CD38: variants seen among roughly 807,000 people sequenced by gnomAD.
CD38 encodes ADP-ribosyl cyclase/cyclic ADP-ribose hydrolase 1.
A neutral mutation model predicts 36.3 loss-of-function variants in CD38; 31 were observed. That is an observed-to-expected ratio of 0.85 (90% CI 0.64 to 1.15). The LOEUF (loss-of-function observed/expected upper bound fraction) is 1.15. Ranked by LOEUF, CD38 falls within the 50% of genes most tolerant of loss-of-function variation. The probability of loss-of-function intolerance (pLI) is 0.00; values close to 1 mark genes in which losing one functional copy is unlikely to be tolerated. For synonymous variants in CD38, 131 were observed against 135.2 expected (o/e 0.97, Z 0.22); for missense variants, 380 against 371.9 (o/e 1.02, Z -0.18).
At chr4:15,807,977 A>G (rs1004228132) in intron 1 of CD38, among the ~76,000 whole-genome samples, 2 of 152,082 alleles carry the variant, frequency 1.3e-5, no homozygotes, top group Non-Finnish European at 2.9e-5. Flanking sequence ...TAGTGACTTT[A>G]TTCATTCTTC....
At chr4:15,831,045 T>G (rs1723949189) in intron 3 of CD38, among the ~76,000 whole-genome samples, 1 of 152,160 alleles carries the variant, frequency 6.6e-6, no homozygotes, top group African/African-American at 2.4e-5. Context: ...GTTTTTGAGT[T>G]TGAAGTTACC....
In CD38 at chr4:15,848,538, G is replaced by GACCTGACAAGT; in HGVS notation, c.840_850dup (p.Phe284TyrfsTer9). The GACCTGACAAGT allele has an allele frequency of 1.9e-6, 3 of 1,610,808 alleles. No homozygotes were observed. Among genetic ancestry groups the GACCTGACAAGT allele is most frequent in the South Asian group, 2.2e-5 (2 of 90,964 alleles). ...TTTCCTTTTTTGCTTTCTTGTCATA[G>GACCTGACAAGT]ACCTGACAAGTTTCTTCAGTGTGTG... is the stretch of plus-strand genomic sequence containing the variant. On this transcript the variant is annotated frameshift_variant and splice_region_variant. Transcript: ENST00000226279. LOFTEE classifies it high-confidence loss of function.
At chr4:15,790,366 C>T (rs575736412) in intron 1 of CD38, among the ~76,000 whole-genome samples, 105 of 151,692 alleles carry the variant, frequency 6.9e-4, no homozygotes, top group Non-Finnish European at 1.2e-3. Context: ...TTGGTGGAGA[C>T]GGGGTTTTGC....
In CD38 at chr4:15,848,626, C is replaced by T; in HGVS notation, c.*24C>T. 2 of 1,584,534 alleles carry T rather than the reference C, an allele frequency of 1.3e-6. No individual in the cohort carries two copies. Among genetic ancestry groups the T allele is most frequent in the Non-Finnish European group, 1.7e-6 (2 of 1,153,342 alleles). On this transcript the variant is annotated 3_prime_UTR_variant, in exon 8 of 8. Coordinates refer to ENST00000226279, the MANE Select transcript of CD38 (RefSeq NM_001775.4). ...GAGCCAGTCGCTGTGGTTGTTTTAG[C>T]TCCTTGACTCCTTGTGGTTTATGTC...
chr4:15,783,683 T>C (rs761952481), intron 1 of CD38, among the ~76,000 whole-genome samples: 13 of 152,354 alleles, frequency 8.5e-5, no homozygotes, highest in Non-Finnish European at 1.0e-4. Flanking sequence ...AAATCTTTCA[T>C]CTGTCTTACC....
intron 1 of CD38, among the ~76,000 whole-genome samples, chr4:15,781,726 C>T (rs963029643): frequency 9.9e-5 from 15 of 152,182 alleles, no homozygotes; most frequent in Admixed American, 2.6e-4. Context: ...ATGTGTTTGA[C>T]CAAATATCTG....
chr4:15,808,962 C>T (rs1444171260), intron 1 of CD38, among the ~76,000 whole-genome samples: 1 of 152,094 alleles, frequency 6.6e-6, no homozygotes, highest in Non-Finnish European at 1.5e-5. Flanking sequence ...GGTATGTGGT[C>T]TGGACTTGGA....
At chr4:15,802,491 GTTTTATTTTATTTTATTTTATTTTA>G (rs56373639) in intron 1 of CD38, among the ~76,000 whole-genome samples, 4,211 of 134,156 alleles carry the variant, frequency 0.031, 174 homozygotes, top group African/African-American at 0.094. Flanking sequence ...GCAATTGTTT[GTTTTATTTTATTTTATTTTATTTTA>G]TTTTATTTTA....
intron 6 of CD38, 108 bp downstream of exon 6, chr4:15,840,226 A>G: frequency 1.2e-6 from 1 of 843,504 alleles, no homozygotes; most frequent in Non-Finnish European, 2.0e-6. Context: ...AAATGAAACT[A>G]CATGAATGTG....
intron 4 of CD38, among the ~76,000 whole-genome samples, chr4:15,834,906 A>G (rs1263294182): frequency 6.6e-6 from 1 of 152,270 alleles, no homozygotes; most frequent in East Asian, 1.9e-4. Context: ...TTTTTTTAAA[A>G]AAATTGATAC....
chr4:15,819,863 G>A (rs1422451655), intron 2 of CD38, among the ~76,000 whole-genome samples: 1 of 152,006 alleles, frequency 6.6e-6, no homozygotes, highest in Non-Finnish European at 1.5e-5. Context: ...TAGCAAGATG[G>A]GCCAACATTC....
chr4:15,792,468 G>A (rs7685860), intron 1 of CD38, among the ~76,000 whole-genome samples: 62,047 of 141,044 alleles, frequency 0.44, 16,815 homozygotes, highest in African/African-American at 0.78. Flanking sequence ...GAAAAAAAAA[G>A]AAAAGAAAAG....
At chr4:15,786,240 T>C (rs946538830) in intron 1 of CD38, among the ~76,000 whole-genome samples, 2 of 152,234 alleles carry the variant, frequency 1.3e-5, no homozygotes, top group Admixed American at 1.3e-4. Flanking sequence ...CCCAGCCTGC[T>C]TTTATTCCCT....
chr4:15,824,906 A>T lies in CD38; in HGVS notation c.389A>T (p.Asp130Val). The change falls in exon 3 of 8, where the codon GAT becomes GTT. Residue 130 changes from aspartate (D) to valine (V), a missense_variant. Asp to Val is a radical substitution (Grantham distance 152). Coordinates refer to ENST00000226279, the MANE Select transcript of CD38 (RefSeq NM_001775.4). ...ATTCTTCTTTGGAGCAGAATAAAAG[A>T]TCTGGCCCATCAGTTCACACAGGTC... is the stretch of plus-strand genomic sequence containing the variant. The part of the protein sequence containing the change: ...NKILLWSRIK[D>V]LAHQFTQVQR... 6.2e-7 allele frequency: 1 copy of T among 1,613,708 alleles called. No individual in the cohort carries two copies. Among genetic ancestry groups the T allele is most frequent in the South Asian group, 1.1e-5 (1 of 91,080 alleles).
At chr4:15,801,017 G>GT (rs1490963621) in intron 1 of CD38, among the ~76,000 whole-genome samples, 1 of 151,780 alleles carries the variant, frequency 6.6e-6, no homozygotes, top group South Asian at 2.1e-4. Context: ...ATGAAAAGTT[G>GT]TTTTTTAAAA....
rs1204095150 is a variant in CD38, at chr4:15,778,787, G to A, written c.233+140G>A. 4 of 624,720 alleles carry A rather than the reference G, an allele frequency of 6.4e-6. No individual in the cohort carries two copies. In the African/African-American group the frequency reaches 7.5e-5, roughly 12 times the overall value. The allele number at this position is 624,720 out of a possible 1,614,324, so 38.7% of individuals were successfully genotyped here. ...GAGCCCGCCGGGTGGTGCTGAGTAGGGAGTCCCGGGCTCGGGGCTCCGCGG... is the reference window on the plus strand; with the variant it reads ...GAGCCCGCCGGGTGGTGCTGAGTAGAGAGTCCCGGGCTCGGGGCTCCGCGG... On this transcript the variant is annotated intron_variant, in intron 1 of 7. Coordinates refer to ENST00000226279, the MANE Select transcript of CD38 (RefSeq NM_001775.4). The surrounding 1 kb of genome is among the most constrained non-coding windows in gnomAD (Gnocchi z 4.9).
intron 1 of CD38, among the ~76,000 whole-genome samples, chr4:15,815,943 T>A (rs1723585629): frequency 6.6e-6 from 1 of 152,244 alleles, no homozygotes; most frequent in African/African-American, 2.4e-5. Context: ...GTTCCATCGA[T>A]ACCTAGTTTA....
intron 1 of CD38, among the ~76,000 whole-genome samples, chr4:15,785,539 C>CTT (rs34989864): frequency 4.9e-4 from 72 of 147,880 alleles, no homozygotes; most frequent in African/African-American, 7.4e-4. Context: ...CGTTCCTTTT[C>CTT]TTTTTTTTTT....
At chr4:15,822,340 C>T (rs367890000) in intron 2 of CD38, among the ~76,000 whole-genome samples, 13 of 152,132 alleles carry the variant, frequency 8.5e-5, no homozygotes, top group African/African-American at 2.4e-4. Context: ...ATGTTCTGAC[C>T]GGGACAATCA....
Sources: gnomAD v4.1 joint callset for allele counts (sites outside exome capture counted in the v4.1 genomes callset) on GRCh38, gnomAD v4.1.1 for gene constraint, Gnocchi (gnomAD v3.1) non-coding constraint, MANE v1.5 for transcripts, NCBI Gene and HGNC (gene_info 2026-07-23, HGNC 2026-07-21) for gene names.